The following FGFRL1 variants were observed in gnomAD, a reference collection of about 807,000 sequenced individuals.
FGFRL1 encodes the protein fibroblast growth factor receptor-like 1.
Under a neutral mutation model 36.8 loss-of-function variants are expected in FGFRL1, and 24 were observed. The observed-to-expected ratio is 0.65, with a 90% CI of 0.47 to 0.92. FGFRL1 has a LOEUF of 0.92. Among genes scored for constraint, FGFRL1 ranks in the 40% least tolerant of loss-of-function variants. FGFRL1 has a pLI of 0.00. For missense variants in FGFRL1, 785 were observed against 753.4 expected, an observed-to-expected ratio of 1.04 and a Z score of -0.49; for synonymous variants, 422 against 344.1, an observed-to-expected ratio of 1.23 and a Z score of -2.50.
rs747194253 is a variant in FGFRL1, at chr4:1,012,494, GAGCCCC to G, written c.10_15del (p.Ser4_Pro5del). The G allele has an allele frequency of 2.5e-6, 4 of 1,573,816 alleles. No homozygotes were observed. Among genetic ancestry groups the G allele is most frequent in the Non-Finnish European group, 3.4e-6 (4 of 1,165,032 alleles). ...GGTCCGGACAGGCCGAGATGACGCC[GAGCCCC>G]CTGTTGCTGCTCCTGCTGCCGCCGC... On this transcript the variant is annotated inframe_deletion, in exon 2 of 7. Transcript: ENST00000510644.
intron 2 of FGFRL1, among the ~76,000 whole-genome samples, chr4:1,017,562 C>G (rs543158820): frequency 2.0e-5 from 3 of 152,320 alleles, no homozygotes; most frequent in Admixed American, 6.5e-5. Context: ...GGTGCTGCCT[C>G]GGGCTCTGTA....
chr4:1,022,265 C>G lies in FGFRL1; in HGVS notation c.142C>G (p.Arg48Gly). The change falls in exon 3 of 7, where the codon CGG becomes GGG. Residue 48 changes from arginine (R) to glycine (G), a missense_variant. Arg to Gly is a moderately radical substitution (Grantham distance 125). Coordinates refer to ENST00000510644, the MANE Select transcript of FGFRL1 (RefSeq NM_001004356.3). ...RQVARLGRTV[R>G]LQCPVEGDPP... ...GGTGGCCCGGCTGGGCCGCACTGTG[C>G]GGCTGCAGTGCCCAGTGGAGGGGGA... 1.3e-6 allele frequency: 2 copies of G among 1,587,498 alleles called. No homozygotes were observed. The highest frequency in any genetic ancestry group is 1.8e-5 in the Admixed American group (1 of 56,734).
intron 2 of FGFRL1, among the ~76,000 whole-genome samples, chr4:1,016,319 G>T (rs1715884146): frequency 6.6e-6 from 1 of 152,142 alleles, no homozygotes; most frequent in South Asian, 2.1e-4. Context: ...GGAGGCCTGG[G>T]GACTGCAGCC....
At chr4:1,016,750 T>C (rs1462974986) in intron 2 of FGFRL1, among the ~76,000 whole-genome samples, 1 of 152,106 alleles carries the variant, frequency 6.6e-6, no homozygotes, top group Non-Finnish European at 1.5e-5. Context: ...TGCACATGTA[T>C]GTGCCTGAGC....
At chr4:1,012,377 G>GGCGGCCAGACCCCTGATCCCC in intron 1 of FGFRL1, 93 bp from the exon 2 acceptor site, 1 of 1,455,092 alleles carries the variant, frequency 6.9e-7, no homozygotes, top group Non-Finnish European at 9.2e-7. Flanking sequence ...CTGTGGGGAG[G>GGCGGCCAGACCCCTGATCCCC]GCGGCCAGAC....
chr4:1,018,400 G>A (rs1371897525), intron 2 of FGFRL1, among the ~76,000 whole-genome samples: 4 of 152,194 alleles, frequency 2.6e-5, no homozygotes, highest in Non-Finnish European at 2.9e-5. Context: ...CGCCTTCTTG[G>A]CGCACTGCCT....
chr4:1,024,743 G>A, intron 6 of FGFRL1, 79 bp downstream of exon 6: 1 of 1,473,386 alleles, frequency 6.8e-7, no homozygotes. Context: ...CCCACCGGGT[G>A]GGGCCCCACC....
At chr4:1,012,165 G>T in intron 1 of FGFRL1, 1 of 206,812 alleles carries the variant, frequency 4.8e-6, no homozygotes, top group Non-Finnish European at 9.7e-6. Context: ...CGCTAATGGC[G>T]CAGGCGATTA....
At chr4:1,012,112 C>G (rs1480353016) in intron 1 of FGFRL1, 158 bp downstream of exon 1, 1 of 129,114 alleles carries the variant, frequency 7.7e-6, no homozygotes, top group Non-Finnish European at 1.6e-5. Context: ...GCCCCGCCCC[C>G]GCCCCCGCGC....
rs368437012 is a variant in FGFRL1, at chr4:1,025,102, C to T, written c.1270C>T (p.Arg424Cys). ...LPGHRPPGTA[R>C]DRSGDKDLPS... ...TGGGCACCGCCCGCCGGGGACGGCC[C>T]GCGACCGCAGCGGAGACAAGGACCT... Residue 424 changes from arginine to cysteine, a missense_variant, in exon 7 of 7, where the codon CGC becomes TGC. Arg to Cys is a radical substitution (Grantham distance 180, BLOSUM62 -3). Coordinates refer to ENST00000510644, the MANE Select transcript of FGFRL1 (RefSeq NM_001004356.3). 218 of 1,610,666 alleles carry T rather than the reference C, an allele frequency of 1.4e-4. No homozygotes were observed. Among genetic ancestry groups the T allele is most frequent in the Non-Finnish European group, 1.7e-4 (200 of 1,179,000 alleles).
intron 2 of FGFRL1, among the ~76,000 whole-genome samples, chr4:1,015,737 G>A (rs1310885093): frequency 2.6e-5 from 4 of 152,248 alleles, no homozygotes; most frequent in Non-Finnish European, 5.9e-5. Context: ...GTGGCGTGGG[G>A]CCCGCTGGGC....
At position 1,025,273 on chromosome 4, in the gene FGFRL1, C is replaced by G; in HGVS notation, c.1441C>G (p.His481Asp). ...YPKLYTDIHT[H>D]THTHSHTHSH... The stretch of plus-strand genomic sequence containing the variant: ...CAAACTCTACACAGACATCCACACA[C>G]ACACACACACACACTCTCACACACA... Residue 481 changes from histidine to aspartate, a missense_variant, in exon 7 of 7, where the codon CAC (histidine) becomes GAC (aspartate). Transcript: ENST00000510644. 6.3e-7 allele frequency: 1 copy of G among 1,586,564 alleles called. No individual in the cohort carries two copies. Among genetic ancestry groups the G allele is most frequent in the Non-Finnish European group, 8.6e-7 (1 of 1,164,892 alleles).
chr4:1,025,333 C>T lies in FGFRL1; in HGVS notation c.1501C>T (p.His501Tyr). Residue 501 changes from histidine to tyrosine, a missense_variant, in exon 7 of 7, where the codon CAC becomes TAC. Coordinates refer to ENST00000510644, the MANE Select transcript of FGFRL1 (RefSeq NM_001004356.3). ...HVEGKVHQHI[H>Y]YQC ...GGAGGGCAAGGTCCACCAGCACATC[C>T]ACTATCAGTGCTAGACGGCACCGTA... The T allele has an allele frequency of 6.4e-7, 1 of 1,554,442 alleles. No homozygotes were observed.
In FGFRL1 at chr4:1,024,306, C is replaced by A. The variant is rs1271745179; in HGVS notation, c.719-5C>A. On this transcript the variant is annotated splice_region_variant and splice_polypyrimidine_tract_variant and intron_variant, in intron 5 of 6. Transcript: ENST00000510644. ...GAGCCATGCCCGCGTGCCACGTTCC[C>A]ACAGAGCGGACCCGTTCCAAGCCCG... The A allele has an allele frequency of 3.8e-6, 6 of 1,586,562 alleles. No homozygotes were observed. Among genetic ancestry groups the A allele is most frequent in the Non-Finnish European group, 5.2e-6 (6 of 1,164,464 alleles).
chr4:1,022,632 T>C (rs752199800), intron 3 of FGFRL1, among the ~76,000 whole-genome samples, 157 bp downstream of exon 3: 3 of 152,064 alleles, frequency 2.0e-5, no homozygotes, highest in Non-Finnish European at 2.9e-5. Flanking sequence ...TGGCTGCACC[T>C]CTGCCACCAT....
chr4:1,012,819 C>T (rs1293275698), intron 2 of FGFRL1, among the ~76,000 whole-genome samples: 2 of 152,238 alleles, frequency 1.3e-5, no homozygotes, highest in African/African-American at 4.8e-5. Context: ...AGTCCTGGCT[C>T]CCCAGGACAT....
intron 2 of FGFRL1, among the ~76,000 whole-genome samples, chr4:1,020,706 G>T (rs898365161): frequency 1.2e-4 from 1 of 8,294 alleles, no homozygotes; most frequent in Admixed American, 1.2e-3. Context: ...ATGGGGCGGG[G>T]TGGGGACCCA....
rs1185798520 is a variant in FGFRL1, at chr4:1,024,885, C to T, written c.1073-20C>T. 1 of 1,570,182 alleles carries T rather than the reference C, an allele frequency of 6.4e-7. No homozygotes were observed. On this transcript the variant is annotated intron_variant, in intron 6 of 6. Coordinates refer to ENST00000510644, the MANE Select transcript of FGFRL1 (RefSeq NM_001004356.3). ...GTGTCGGCGTTCCCCTCCCTACCTC[C>T]TTTCCTCTCGCTCTTGCAGACCCAA...
Position 1,021,149 on chromosome 4 carries a change from T to A in FGFRL1, c.80-1054T>A, listed in dbSNP as rs1261906021. 8.2e-5 allele frequency among the ~76,000 whole-genome samples: 4 copies of A among 48,616 alleles called. No homozygotes were observed. The Admixed American group carries it at 1.2e-3, about 15-fold the overall frequency. 31.9% of individuals were successfully genotyped at this position (48,616 alleles called of 152,430 possible). On this transcript the variant is annotated intron_variant, in intron 2 of 6. Coordinates refer to ENST00000510644, the MANE Select transcript of FGFRL1 (RefSeq NM_001004356.3). ...GACCCAGGCAGGGGAAGGGGTGAGG[T>A]GGGGACCCAGACAGGGGGTGGGGTG... is the stretch of plus-strand genomic sequence containing the variant.
Sources: gnomAD v4.1 joint callset for allele counts (sites outside exome capture counted in the v4.1 genomes callset) on GRCh38, gnomAD v4.1.1 for gene constraint, MANE v1.5 for transcripts, NCBI Gene and HGNC (gene_info 2026-07-23, HGNC 2026-07-21) for gene names.